The following UNKL variants were observed in gnomAD, a reference collection of about 807,000 sequenced individuals.
The protein encoded by UNKL is unk like zinc finger, also known as putative E3 ubiquitin-protein ligase UNKL.
UNKL carries 60 observed loss-of-function variants against 78.0 expected under a neutral mutation model. The observed-to-expected ratio is 0.77, with a 90% CI of 0.63 to 0.95. The LOEUF (loss-of-function observed/expected upper bound fraction) is 0.95. Among genes scored for constraint, UNKL ranks in the 40% least tolerant of loss-of-function variants. The probability of loss-of-function intolerance (pLI) is 0.00; values close to 1 mark genes in which losing one functional copy is unlikely to be tolerated. For missense variants in UNKL, 1,159 were observed against 1,045.7 expected, an observed-to-expected ratio of 1.11 and a Z score of -1.49; for synonymous variants, 608 against 474.8, an observed-to-expected ratio of 1.28 and a Z score of -3.65.
chr16:1,407,902 T>C (rs929152613), intron 2 of UNKL, among the ~76,000 whole-genome samples: 3 of 152,068 alleles, frequency 2.0e-5, no homozygotes, highest in East Asian at 3.9e-4. Context: ...TATTTTTTTT[T>C]CCCAATGAAA....
rs2035130897 is a variant in UNKL, at chr16:1,365,046, T to G, written c.*1194A>C. The G allele has an allele frequency of 6.7e-6, 1 of 148,600 alleles. No homozygotes were observed. The highest frequency in any genetic ancestry group is 2.5e-5 in the African/African-American group (1 of 39,710). The allele number at this position is 148,600 out of a possible 1,614,324, so 9.2% of individuals were successfully genotyped here. A position where few individuals can be genotyped will look rare whatever the true frequency, so the allele number is the denominator to read the frequency against. ...TCTCGCTCTGTCACCCGGGCTGGAG[T>G]GCGGTGGCGCGATCTCGGCTCACTG... On this transcript the variant is annotated 3_prime_UTR_variant, in exon 15 of 15. Coordinates refer to ENST00000389221, the MANE Select transcript of UNKL (RefSeq NM_001372107.1).
intron 11 of UNKL, 68 bp downstream of exon 11, chr16:1,371,451 C>T: frequency 6.7e-7 from 1 of 1,485,630 alleles, no homozygotes; most frequent in Non-Finnish European, 9.1e-7. Flanking sequence ...CTCAAGCGAT[C>T]CTCCGGCCAC....
intron 5 of UNKL, chr16:1,398,400 G>C (rs953672837): frequency 7.8e-6 from 8 of 1,028,232 alleles, no homozygotes; most frequent in Non-Finnish European, 9.3e-6. Context: ...TCCATGACGG[G>C]CGATGACAAA....
chr16:1,398,303 C>G (rs972993743), intron 5 of UNKL: 2 of 999,080 alleles, frequency 2.0e-6, no homozygotes, highest in African/African-American at 3.5e-5. Context: ...CTCTACTCTT[C>G]GTGGAATCTC....
intron 10 of UNKL, among the ~76,000 whole-genome samples, chr16:1,375,449 C>T (rs2036146730): frequency 1.3e-5 from 2 of 152,212 alleles, no homozygotes; most frequent in African/African-American, 4.8e-5. Flanking sequence ...ATTTCCGGGG[C>T]GTGGAGGCCG....
chr16:1,414,298 G>C (rs1399424927), intron 1 of UNKL, among the ~76,000 whole-genome samples: 1 of 151,926 alleles, frequency 6.6e-6, no homozygotes, highest in Non-Finnish European at 1.5e-5. Context: ...GACCCTGGGC[G>C]ACCCGCTGTG....
intron 2 of UNKL, among the ~76,000 whole-genome samples, chr16:1,408,208 C>CTGCCCCTCA (rs1191489642): frequency 6.6e-6 from 1 of 152,206 alleles, no homozygotes; most frequent in Non-Finnish European, 1.5e-5. Flanking sequence ...AAGCAAGCGC[C>CTGCCCCTCA]TGCCCCTCAG....
At chr16:1,411,899 A>T (rs925122101) in intron 2 of UNKL, 2 of 152,042 alleles carry the variant, frequency 1.3e-5, no homozygotes, top group African/African-American at 4.8e-5. Flanking sequence ...TAGCGTCCTT[A>T]AAAAAAATTT....
At position 1,367,787 on chromosome 16, in the gene UNKL, G is replaced by A; in HGVS notation, c.1657C>T (p.Leu553=). Residue 553 remains leucine (L), a synonymous_variant, in exon 13 of 15, where the codon CTG becomes TTG. Transcript: ENST00000389221. ...GAAGAGGATGGGGGGCCGGCACTCAGGATGGGGGAGGGGCTGGGGGAGAAG... is the reference window on the plus strand; with the variant it reads ...GAAGAGGATGGGGGGCCGGCACTCAAGATGGGGGAGGGGCTGGGGGAGAAG... The part of the protein sequence containing the change: ...GSFSPSPSPI[L]SAGPPSSSSA... 6.4e-7 allele frequency: 1 copy of A among 1,574,300 alleles called. No homozygotes were observed. Among genetic ancestry groups the A allele is most frequent in the Non-Finnish European group, 8.6e-7 (1 of 1,160,530 alleles).
intron 10 of UNKL, among the ~76,000 whole-genome samples, chr16:1,377,923 T>G (rs985420991): frequency 2.0e-5 from 3 of 152,152 alleles, no homozygotes; most frequent in Non-Finnish European, 4.4e-5. Context: ...TGCATTGCAA[T>G]AGTAACCTTC....
At chr16:1,404,056 G>A (rs754848297) in intron 2 of UNKL, among the ~76,000 whole-genome samples, 1 of 152,180 alleles carries the variant, frequency 6.6e-6, no homozygotes, top group Non-Finnish European at 1.5e-5. Flanking sequence ...CAGCGACGGA[G>A]ACAAGGAGAC....
At chr16:1,412,933 A>G (rs1425745438) in intron 2 of UNKL, among the ~76,000 whole-genome samples, 1 of 152,120 alleles carries the variant, frequency 6.6e-6, no homozygotes, top group Non-Finnish European at 1.5e-5. Flanking sequence ...GTTGGTTCTC[A>G]TGCAGGAACT....
Position 1,403,263 on chromosome 16 carries a change from G to C in UNKL, c.369C>G (p.His123Gln). The C allele has an allele frequency of 1.2e-6, 2 of 1,614,194 alleles. No homozygotes were observed. The highest frequency in any genetic ancestry group is 1.1e-5 in the South Asian group (1 of 91,074). ...CGCAGTGGCCACGTGCGTCTGTCTC[G>C]TGGATGCAGGTTCCTGTTTTGTAGT... ...LRYYKTGTCI[H>Q]ETDARGHCVK... The change falls in exon 3 of 15, where the codon CAC becomes CAG. Residue 123 changes from histidine (H) to glutamine (Q), a missense_variant. Coordinates refer to ENST00000389221, the MANE Select transcript of UNKL (RefSeq NM_001372107.1). The surrounding 1 kb of genome is among the most constrained non-coding windows in gnomAD (Gnocchi z 4.8).
chr16:1,374,149 C>G (rs373752946), intron 10 of UNKL, among the ~76,000 whole-genome samples: 1 of 147,060 alleles, frequency 6.8e-6, no homozygotes, highest in East Asian at 2.0e-4. Context: ...GTGGGGCACA[C>G]CACACAGGGA....
rs2035177841 is a variant in UNKL at position 1,365,570 on chromosome 16, TA to T, written c.*669del. The T allele has an allele frequency of 1.3e-5, 2 of 152,594 alleles. No individual in the cohort carries two copies. The allele number at this position is 152,594 out of a possible 1,614,324, so 9.5% of individuals were successfully genotyped here. ...GGAAAACTAGCTCCTTCCATCAAGTTAAAAACATCTCAATCCATAATCACTC... is the reference window on the plus strand; with the variant it reads ...GGAAAACTAGCTCCTTCCATCAAGTTAAAACATCTCAATCCATAATCACTC... On this transcript the variant is annotated 3_prime_UTR_variant, in exon 15 of 15. Coordinates refer to ENST00000389221, the MANE Select transcript of UNKL (RefSeq NM_001372107.1).
intron 13 of UNKL, 80 bp from the exon 14 acceptor site, chr16:1,367,429 C>T (rs1596636824): frequency 1.4e-6 from 2 of 1,463,646 alleles, no homozygotes; most frequent in East Asian, 2.5e-5. Context: ...CACCAGCGAT[C>T]CTCCCCTCCC....
At position 1,397,789 on chromosome 16, in the gene UNKL, C is replaced by T. The variant is rs532083450; in HGVS notation, c.735-494G>A. Among the ~76,000 whole-genome samples the T allele has an allele frequency of 3.3e-5, 5 of 149,372 alleles. No homozygotes were observed. The South Asian group carries it at 1.1e-3, about 32-fold the overall frequency. On this transcript the variant is annotated intron_variant, in intron 5 of 14. Coordinates refer to ENST00000389221, the MANE Select transcript of UNKL (RefSeq NM_001372107.1). ...GACTTGGCTCCCCCACCCCGACCCC[C>T]GTGCTTCACGCTGGGGCAGGGCGTG...
chr16:1,392,807 G>T, intron 8 of UNKL, 84 bp downstream of exon 8: 1 of 1,478,572 alleles, frequency 6.8e-7, no homozygotes, highest in Non-Finnish European at 9.2e-7. Context: ...CCACATTGCT[G>T]AAAACTCATA....
At chr16:1,400,160 C>T (rs1361706077) in intron 4 of UNKL, among the ~76,000 whole-genome samples, 1 of 152,096 alleles carries the variant, frequency 6.6e-6, no homozygotes, top group Admixed American at 6.6e-5. Context: ...GTGGCTCACG[C>T]CTGTTATCCC....
Sources: gnomAD v4.1 joint callset for allele counts (sites outside exome capture counted in the v4.1 genomes callset) on GRCh38, gnomAD v4.1.1 for gene constraint, Gnocchi (gnomAD v3.1) non-coding constraint, MANE v1.5 for transcripts, NCBI Gene and HGNC (gene_info 2026-07-23, HGNC 2026-07-21) for gene names.